MAP2: variants seen among roughly 807,000 people sequenced by gnomAD.
MAP2 encodes microtubule-associated protein 2.
Under a neutral mutation model 137.6 loss-of-function variants are expected in MAP2, and 14 were observed. The ratio of observed to expected loss-of-function variants is 0.10; its 90% confidence interval spans 0.07 to 0.16. MAP2 has a LOEUF of 0.16. Ranked by LOEUF, MAP2 falls within the 10% of genes least tolerant of loss-of-function variation. The probability of loss-of-function intolerance (pLI) is 1.00; values close to 1 mark genes in which losing one functional copy is unlikely to be tolerated. For synonymous variants in MAP2, 786 were observed against 782.3 expected (o/e 1.00, Z -0.08); for missense variants, 2,088 against 2,191.5 (o/e 0.95, Z 0.94).
At chr2:209,697,753 A>G (rs2060598796) in intron 10 of MAP2, among the ~76,000 whole-genome samples, 3 of 152,200 alleles carry the variant, frequency 2.0e-5, no homozygotes, top group South Asian at 2.1e-4. Flanking sequence ...CGACTTTTCT[A>G]TATAATTTAG....
intron 14 of MAP2, among the ~76,000 whole-genome samples, chr2:209,726,981 A>G (rs2074305716): frequency 6.6e-6 from 1 of 152,234 alleles, no homozygotes; most frequent in South Asian, 2.1e-4. Context: ...TTAGCTGACA[A>G]TTATTCTGCT....
chr2:209,516,010 G>T (rs974132126), intron 2 of MAP2, among the ~76,000 whole-genome samples: 2 of 151,908 alleles, frequency 1.3e-5, no homozygotes, highest in Non-Finnish European at 2.9e-5. Context: ...GCCTAGGCTG[G>T]TCTCAAGCTC....
chr2:209,699,972 A>C (rs2061343477), intron 10 of MAP2, among the ~76,000 whole-genome samples: 1 of 152,210 alleles, frequency 6.6e-6, no homozygotes, highest in Admixed American at 6.5e-5. Flanking sequence ...TCTGTTCTAA[A>C]GGATCTCCTT....
At chr2:209,565,654 G>A (rs1041347677) in intron 2 of MAP2, among the ~76,000 whole-genome samples, 2 of 151,898 alleles carry the variant, frequency 1.3e-5, no homozygotes, top group South Asian at 4.2e-4. Flanking sequence ...TCTCACATTT[G>A]TCATACAATT....
At chr2:209,440,306 A>G (rs928657795) in intron 1 of MAP2, among the ~76,000 whole-genome samples, 1 of 151,702 alleles carries the variant, frequency 6.6e-6, no homozygotes, top group Middle Eastern at 3.4e-3. Flanking sequence ...CCTATACCAA[A>G]AAGGAAATGG....
intron 4 of MAP2, among the ~76,000 whole-genome samples, chr2:209,648,594 G>A (rs1320202937): frequency 2.0e-5 from 3 of 146,802 alleles, no homozygotes; most frequent in Admixed American, 6.8e-5. Flanking sequence ...CGGCCAAGAC[G>A]GTGAAACCCC....
In MAP2 at chr2:209,465,718, A is replaced by G. The variant is rs79581255; in HGVS notation, c.-222+41442A>G. On this transcript the variant is annotated intron_variant, in intron 1 of 15. Coordinates refer to ENST00000682079, the MANE Select transcript of MAP2 (RefSeq NM_001375505.1). ...CACTACACTACAATTTGTAGACTCC[A>G]TAGGAGTCTAAATGATAATTTGGTT... Among the ~76,000 whole-genome samples the G allele has an allele frequency of 9.2e-4, 140 of 152,310 alleles. 3 individuals carry two copies. The East Asian group carries it at 0.023, about 25-fold the overall frequency.
intron 7 of MAP2, among the ~76,000 whole-genome samples, chr2:209,688,638 G>C (rs569084268): frequency 6.6e-6 from 1 of 152,102 alleles, no homozygotes; most frequent in African/African-American, 2.4e-5. Context: ...GCCTTATAAA[G>C]CTGGGAGACT....
intron 2 of MAP2, among the ~76,000 whole-genome samples, chr2:209,534,676 T>C (rs2065681090): frequency 6.6e-6 from 1 of 152,222 alleles, no homozygotes; most frequent in South Asian, 2.1e-4. Context: ...ACTTCAGTTT[T>C]ATTCACATAG....
At chr2:209,508,310 G>T (rs569039847) in intron 2 of MAP2, among the ~76,000 whole-genome samples, 65 of 150,062 alleles carry the variant, frequency 4.3e-4, no homozygotes, top group African/African-American at 1.5e-3. Flanking sequence ...TGAATGAAAT[G>T]AAGACTTTTA....
chr2:209,658,234 C>T (rs2041832114), intron 5 of MAP2, among the ~76,000 whole-genome samples: 1 of 151,612 alleles, frequency 6.6e-6, no homozygotes, highest in African/African-American at 2.4e-5. Context: ...TTTAAGGGCA[C>T]AGAAAAGCAA....
rs952892325 is a variant in MAP2, at chr2:209,480,281, A to G, written c.-221-27311A>G. On this transcript the variant is annotated intron_variant, in intron 1 of 15. Coordinates refer to ENST00000682079, the MANE Select transcript of MAP2 (RefSeq NM_001375505.1). ...AGACTAGTAGACTCCACTTAGTACT[A>G]TACCCTTTAGCTTTATTAACTGGGA... Among the ~76,000 whole-genome samples the G allele has an allele frequency of 3.9e-5, 6 of 152,152 alleles. No homozygotes were observed. The East Asian group carries it at 7.7e-4, about 20-fold the overall frequency.
Position 209,729,917 on chromosome 2 carries a change from T to A in MAP2, c.5223T>A (p.Gly1741=). The A allele has an allele frequency of 6.2e-7, 1 of 1,613,850 alleles. No individual in the cohort carries two copies. The highest frequency in any genetic ancestry group is 1.1e-5 in the South Asian group (1 of 91,066). Residue 1741 remains glycine, a synonymous_variant, in exon 15 of 16, where the codon GGT becomes GGA. Transcript: ENST00000682079. ...AAGAAAAGGCCCAAGCTAAAGTTGG[T>A]TCTCTTGATAATGCTCATCATGTAC... ...DFKEKAQAKV[G]SLDNAHHVPG... is the part of the protein sequence containing the mutation.
chr2:209,656,633 A>C (rs1030150186), intron 5 of MAP2, among the ~76,000 whole-genome samples: 3 of 152,190 alleles, frequency 2.0e-5, no homozygotes, highest in Non-Finnish European at 4.4e-5. Context: ...TTTTCTTACC[A>C]CTAAAGTGTG....
At position 209,653,296 on chromosome 2, in the gene MAP2, C is replaced by A; in HGVS notation, c.126C>A (p.Val42=). 3.1e-6 allele frequency: 5 copies of A among 1,614,102 alleles called. No homozygotes were observed. Among genetic ancestry groups the A allele is most frequent in the Non-Finnish European group, 3.4e-6 (4 of 1,180,018 alleles). The change falls in exon 5 of 16, where the codon GTC becomes GTA. Residue 42 remains valine (V), a synonymous_variant. Transcript: ENST00000682079. ...AAGGCGGAGCAGGGGAAGGACTTGT[C>A]CGAAGCGCCAATGGATTCCCATACA... ...KDQGGAGEGL[V]RSANGFPYRE...
chr2:209,720,520 T>A (rs1019318842), intron 13 of MAP2, among the ~76,000 whole-genome samples: 1 of 151,152 alleles, frequency 6.6e-6, no homozygotes, highest in African/African-American at 2.4e-5. Context: ...GCGCCTGTAG[T>A]CCCAGCTACT....
chr2:209,480,237 T>C (rs1708385579), intron 1 of MAP2, among the ~76,000 whole-genome samples: 1 of 152,150 alleles, frequency 6.6e-6, no homozygotes, highest in Admixed American at 6.5e-5. Flanking sequence ...AACTTTAGAA[T>C]ATAATAATGT....
At chr2:209,582,366 G>A (rs2076623010) in intron 3 of MAP2, among the ~76,000 whole-genome samples, 1 of 151,830 alleles carries the variant, frequency 6.6e-6, no homozygotes, top group African/African-American at 2.4e-5. Flanking sequence ...GGATTTTTCT[G>A]GTTTTAGATT....
Position 209,696,642 on chromosome 2 carries a change from A to G in MAP2, c.4281A>G (p.Lys1427=). 6.2e-7 allele frequency: 1 copy of G among 1,613,992 alleles called. No individual in the cohort carries two copies. The highest frequency in any genetic ancestry group is 8.5e-7 in the Non-Finnish European group (1 of 1,179,926). ...GATCATCTCTTGAGAAACATAGAAA[A>G]GAAAAGCCTTTTAAAACCGGGAGAG... is the stretch of plus-strand genomic sequence containing the variant. ...ARRSSLEKHR[K]EKPFKTGRGR... Residue 1427 remains lysine, a synonymous_variant, in exon 9 of 16, where the codon AAA becomes AAG. Transcript: ENST00000682079.
Sources: allele counts gnomAD v4.1 joint callset (sites outside exome capture counted in the v4.1 genomes callset), GRCh38; gene constraint gnomAD v4.1.1; transcripts MANE v1.5; gene names NCBI Gene and HGNC (gene_info 2026-07-23, HGNC 2026-07-21).